Variants in MCF2L observed in about 807,000 individuals in gnomAD.
MCF2L encodes the protein guanine nucleotide exchange factor DBS.
A neutral mutation model predicts 153.4 loss-of-function variants in MCF2L; 97 were observed. The observed-to-expected ratio is 0.63, with a 90% CI of 0.54 to 0.75. The LOEUF is 0.75. MCF2L is among the 30% of genes least tolerant of loss of function. The pLI is 0.00. For synonymous variants in MCF2L, 659 were observed against 632.2 expected, an observed-to-expected ratio of 1.04 and a Z score of -0.64; for missense variants, 1,347 against 1,495.2, an observed-to-expected ratio of 0.90 and a Z score of 1.64.
intron 1 of MCF2L, among the ~76,000 whole-genome samples, chr13:112,970,796 A>T (rs2082014784): frequency 6.6e-6 from 1 of 152,134 alleles, no homozygotes; most frequent in Non-Finnish European, 1.5e-5. Context: ...TTTAATTGGA[A>T]AAAGGCTATC....
At chr13:112,964,450 C>T (rs959544065), upstream of MCF2L, among the ~76,000 whole-genome samples, 3 of 152,236 alleles carry the variant, frequency 2.0e-5, no homozygotes. Context: ...TCCCACAGCG[C>T]CCTGTGTCTG....
chr13:112,969,700 G>T lies in MCF2L; in HGVS notation c.79+242G>T, dbSNP rs1240913646. ...GACACTGGCTCTCTCAGGGTTGCTG[G>T]GTCTGCATGCGGAGCCATTTGTGTG... On this transcript the variant is annotated intron_variant, in intron 1 of 29. Transcript: ENST00000535094. This position sits in a 1 kb window ranked among gnomAD's most constrained non-coding sequence, Gnocchi z 4.8. Among the ~76,000 whole-genome samples the T allele has an allele frequency of 1.2e-4, 19 of 152,124 alleles. No homozygotes were observed. Among genetic ancestry groups the T allele is most frequent in the Non-Finnish European group, 2.6e-4 (18 of 68,018 alleles).
intron 5 of MCF2L, among the ~76,000 whole-genome samples, chr13:113,062,832 A>C (rs960049585): frequency 6.6e-6 from 1 of 152,176 alleles, no homozygotes. Flanking sequence ...CAGAAAAATG[A>C]AGACAAGGCG....
Position 113,084,913 on chromosome 13 carries a change from GAGA to G in MCF2L, c.2086_2088del (p.Lys696del). ...GCAGATGGAAGATTTCCAGATCTAT[GAGA>G]AGTACTGTCAGAACAAGCCCCGCTC... is the stretch of plus-strand genomic sequence containing the variant. On this transcript the variant is annotated inframe_deletion, in exon 19 of 30. Coordinates refer to ENST00000535094, the MANE Select transcript of MCF2L (RefSeq NM_001112732.3). 1 of 1,613,954 alleles carries G rather than the reference GAGA, an allele frequency of 6.2e-7. No homozygotes were observed. The highest frequency in any genetic ancestry group is 1.1e-5 in the South Asian group (1 of 91,082).
intron 8 of MCF2L, 39 bp downstream of exon 8, chr13:113,066,209 G>C (rs2032334210): frequency 1.3e-6 from 2 of 1,557,960 alleles, no homozygotes; most frequent in East Asian, 4.7e-5. Context: ...TCCTGTCCCA[G>C]TCCATGGCAG....
chr13:112,981,525 C>A (rs960969654), intron 1 of MCF2L, among the ~76,000 whole-genome samples: 2 of 152,188 alleles, frequency 1.3e-5, no homozygotes, highest in Non-Finnish European at 2.9e-5. Flanking sequence ...AGGAAGTGTG[C>A]ACCGAGCCCT....
intron 23 of MCF2L, 140 bp downstream of exon 23, chr13:113,087,939 T>A (rs1163269027): frequency 7.1e-6 from 5 of 707,416 alleles, no homozygotes; most frequent in Non-Finnish European, 1.2e-5. Context: ...CCCTGGGCTG[T>A]CTTCACCCTG....
At chr13:113,011,941 TGGTGGACAGGCGGTGTGGAC>T (rs2084157556) in intron 1 of MCF2L, among the ~76,000 whole-genome samples, 1 of 89,870 alleles carries the variant, frequency 1.1e-5, no homozygotes, top group Non-Finnish European at 2.3e-5. Context: ...GCGGTGTGGA[TGGTGGACAGGCGGTGTGGAC>T]GGTGGACAGG....
At chr13:112,997,295 T>G (rs1336480999) in intron 1 of MCF2L, among the ~76,000 whole-genome samples, 2 of 152,186 alleles carry the variant, frequency 1.3e-5, no homozygotes, top group East Asian at 1.9e-4. Context: ...CTTCCAGGTT[T>G]GCGATGGGGT....
At chr13:113,075,271 T>C in intron 11 of MCF2L, 82 bp downstream of exon 11, 1 of 1,330,032 alleles carries the variant, frequency 7.5e-7, no homozygotes. Flanking sequence ...CGGCTGACCC[T>C]TGTCGTGGGG....
chr13:112,914,943 C>T (rs1454884687), intron 2 of MCF2L, among the ~76,000 whole-genome samples: 2 of 151,560 alleles, frequency 1.3e-5, no homozygotes, highest in Non-Finnish European at 2.9e-5. Flanking sequence ...GATTTTGAGT[C>T]GTAGTTGAAA....
rs369448789 is a variant in MCF2L at position 112,926,326 on chromosome 13, C to T, written c.169+23955C>T. On this transcript the variant is annotated intron_variant, in intron 2 of 29. Coordinates refer to the MCF2L transcript ENST00000375608. The stretch of plus-strand genomic sequence containing the variant: ...TCTACGTACACAGCGGAGTGCAGTA[C>T]GGCCTGGTCTACATACACAACGGAG... Among the ~76,000 whole-genome samples the T allele has an allele frequency of 1.1e-4, 16 of 151,656 alleles. No homozygotes were observed. The South Asian group carries it at 3.1e-3, about 30-fold the overall frequency.
chr13:113,089,639 A>T lies in MCF2L; in HGVS notation c.2864A>T (p.Lys955Met), dbSNP rs1453605039. 1 of 1,613,722 alleles carries T rather than the reference A, an allele frequency of 6.2e-7. No homozygotes were observed. Among genetic ancestry groups the T allele is most frequent in the Non-Finnish European group, 8.5e-7 (1 of 1,179,838 alleles). The change falls in exon 26 of 30, where the codon AAG becomes ATG. Residue 955 changes from lysine to methionine, a missense_variant. Physicochemically the swap from Lys to Met is moderately conservative, Grantham distance 95. Around this residue, in one of 3 missense-constraint regions of MCF2L, gnomAD observed 383 missense variants for 335.4 expected, o/e 1.14. Transcript: ENST00000535094. ...TCAAGAGGAAACTCAAGGAACATCA[A>T]GAAGCTGGAAGAAAGGAAAACAGAC... The part of the protein sequence containing the change: ...SPSRGNSRNI[K>M]KLEERKTDPL...
intron 2 of MCF2L, among the ~76,000 whole-genome samples, chr13:113,016,939 A>G (rs188436864): frequency 1.3e-3 from 192 of 152,306 alleles, no homozygotes; most frequent in African/African-American, 4.1e-3. Flanking sequence ...AGGTGCACCC[A>G]GCCTCAGAGC....
chr13:112,903,302 A>C (rs1373271289), intron 2 of MCF2L, among the ~76,000 whole-genome samples: 1 of 152,198 alleles, frequency 6.6e-6, no homozygotes, highest in African/African-American at 2.4e-5. Flanking sequence ...TGCGCTGATT[A>C]GTGGAGTCTT....
rs1302556881 is a variant in MCF2L at position 113,045,378 on chromosome 13, GC to G, written c.369+18del. The G allele has an allele frequency of 6.2e-7, 1 of 1,607,226 alleles. No homozygotes were observed. The highest frequency in any genetic ancestry group is 8.5e-7 in the Non-Finnish European group (1 of 1,174,288). The stretch of plus-strand genomic sequence containing the variant: ...CGCATCGCAGTAAGTGCCACCCGGG[GC>G]TCTGCCCTGCGCCCGGCCCCTCCCT... On this transcript the variant is annotated intron_variant, in intron 4 of 29. Coordinates refer to ENST00000535094, the MANE Select transcript of MCF2L (RefSeq NM_001112732.3). The surrounding 1 kb of genome is among the most constrained non-coding windows in gnomAD (Gnocchi z 4.2).
At chr13:112,972,367 A>ATGTGTAAGTGGG (rs765271580) in intron 1 of MCF2L, among the ~76,000 whole-genome samples, 39 of 37,158 alleles carry the variant, frequency 1.0e-3, no homozygotes, top group Non-Finnish European at 3.2e-3. Context: ...GGGTGGATGG[A>ATGTGTAAGTGGG]TGGATGGATG....
intron 5 of MCF2L, among the ~76,000 whole-genome samples, chr13:113,061,700 TCC>T (rs2141779155): frequency 1.1e-4 from 1 of 9,246 alleles, no homozygotes; most frequent in South Asian, 5.2e-3. Context: ...TCCCCTCCCC[TCC>T]CCCTTGCCCT....
chr13:112,968,346 G>GT, upstream of MCF2L: 3 of 1,360,260 alleles, frequency 2.2e-6, no homozygotes, highest in Non-Finnish European at 2.9e-6. Flanking sequence ...AGCTCAGAGA[G>GT]TTTCTTGCAT....
Sources: gnomAD v4.1 joint callset for allele counts (sites outside exome capture counted in the v4.1 genomes callset) on GRCh38, gnomAD v4.1.1 for gene constraint, gnomAD v4.1.1 regional missense constraint, Gnocchi (gnomAD v3.1) non-coding constraint, MANE v1.5 for transcripts, NCBI Gene and HGNC (gene_info 2026-07-23, HGNC 2026-07-21) for gene names.